The following GABPB1 variants were observed in gnomAD, a reference collection of about 807,000 sequenced individuals.
The protein encoded by GABPB1 is GA-binding protein subunit beta-1.
A neutral mutation model predicts 45.9 loss-of-function variants in GABPB1; 15 were observed. That is an observed-to-expected ratio of 0.33 (90% CI 0.22 to 0.50). The LOEUF (loss-of-function observed/expected upper bound fraction) is 0.50, where lower values mean the gene tolerates loss of function less well. GABPB1 is among the 20% of genes least tolerant of loss of function. GABPB1 has a pLI of 0.98. For synonymous variants in GABPB1, 143 were observed against 154.4 expected, an observed-to-expected ratio of 0.93 and a Z score of 0.55; for missense variants, 252 against 457.5, an observed-to-expected ratio of 0.55 and a Z score of 4.10.
At chr15:50,337,126 T>TCAGAGCCC (rs2048174988) in intron 1 of GABPB1, among the ~76,000 whole-genome samples, 1 of 7,842 alleles carries the variant, frequency 1.3e-4, no homozygotes, top group African/African-American at 1.3e-3. Flanking sequence ...TATATATATA[T>TCAGAGCCC]ATAATATGAA....
chr15:50,345,061 T>C (rs549702755), intron 1 of GABPB1, among the ~76,000 whole-genome samples: 9 of 152,176 alleles, frequency 5.9e-5, no homozygotes, highest in African/African-American at 2.2e-4. Flanking sequence ...GTCATCAGCA[T>C]ATAAAACATC....
chr15:50,338,521 T>G (rs2048226806), intron 1 of GABPB1, among the ~76,000 whole-genome samples: 1 of 152,190 alleles, frequency 6.6e-6, no homozygotes, highest in Non-Finnish European at 1.5e-5. Context: ...TCTCCCAGGC[T>G]GGAGTGTAGT....
chr15:50,322,644 TATAAC>T (rs1201970879), intron 1 of GABPB1, among the ~76,000 whole-genome samples: 2 of 152,174 alleles, frequency 1.3e-5, no homozygotes, highest in Admixed American at 6.5e-5. Context: ...GTGCTATAAA[TATAAC>T]ATACCAGATT....
intron 1 of GABPB1, among the ~76,000 whole-genome samples, chr15:50,344,655 A>G (rs1317730163): frequency 6.6e-6 from 1 of 152,166 alleles, no homozygotes; most frequent in Non-Finnish European, 1.5e-5. Context: ...CCTGACCAAC[A>G]TGGAGAAATC....
At chr15:50,286,539 A>C (rs2046162216) in intron 7 of GABPB1, among the ~76,000 whole-genome samples, 1 of 152,120 alleles carries the variant, frequency 6.6e-6, no homozygotes, top group Admixed American at 6.6e-5. Flanking sequence ...TATTATCCTT[A>C]TATTAATTTG....
At chr15:50,307,178 C>T (rs2046978909) in intron 2 of GABPB1, among the ~76,000 whole-genome samples, 1 of 152,158 alleles carries the variant, frequency 6.6e-6, no homozygotes, top group Non-Finnish European at 1.5e-5. Flanking sequence ...TCCATACTTC[C>T]ACCAAAAATA....
At chr15:50,327,496 G>T (rs906376506) in intron 1 of GABPB1, among the ~76,000 whole-genome samples, 5 of 152,132 alleles carry the variant, frequency 3.3e-5, no homozygotes, top group Non-Finnish European at 7.3e-5. Flanking sequence ...CATAGTACCT[G>T]CCCTTAAAGA....
At chr15:50,317,478 CCTTTTTTCTA>C (rs2047379790) in intron 1 of GABPB1, among the ~76,000 whole-genome samples, 2 of 150,830 alleles carry the variant, frequency 1.3e-5, no homozygotes, top group South Asian at 2.1e-4. Context: ...ATGAATTTTC[CCTTTTTTCTA>C]CTTTTTTCTA....
intron 1 of GABPB1, among the ~76,000 whole-genome samples, chr15:50,319,401 A>G (rs2047473753): frequency 6.6e-6 from 1 of 152,170 alleles, no homozygotes; most frequent in African/African-American, 2.4e-5. Context: ...CACTGTACCC[A>G]ACAGGGAATT....
chr15:50,299,492 C>T (rs1169791618), intron 6 of GABPB1, among the ~76,000 whole-genome samples: 2 of 152,174 alleles, frequency 1.3e-5, no homozygotes, highest in Non-Finnish European at 2.9e-5. Context: ...CTCCACCTCC[C>T]GGGTTCAAGC....
chr15:50,340,328 A>G (rs928074158), intron 1 of GABPB1, among the ~76,000 whole-genome samples: 2 of 152,162 alleles, frequency 1.3e-5, no homozygotes, highest in Admixed American at 6.5e-5. Context: ...ACAGTTGGTC[A>G]AGTTCTATGA....
intron 7 of GABPB1, among the ~76,000 whole-genome samples, chr15:50,287,683 T>C (rs771718301): frequency 1.3e-5 from 2 of 152,220 alleles, no homozygotes; most frequent in Non-Finnish European, 2.9e-5. Flanking sequence ...GTCTGTATAA[T>C]GATACGGGTT....
At chr15:50,328,176 A>G (rs2047834953) in intron 1 of GABPB1, among the ~76,000 whole-genome samples, 1 of 151,938 alleles carries the variant, frequency 6.6e-6, no homozygotes, top group Non-Finnish European at 1.5e-5. Flanking sequence ...ACACATACCT[A>G]TATACCCATC....
intron 8 of GABPB1, among the ~76,000 whole-genome samples, chr15:50,279,405 A>G (rs1361042062): frequency 6.6e-6 from 1 of 152,242 alleles, no homozygotes; most frequent in Admixed American, 6.5e-5. Context: ...TTTAAAATGA[A>G]GAGTGCTGAT....
At chr15:50,293,838 T>C (rs909830131) in intron 6 of GABPB1, among the ~76,000 whole-genome samples, 3 of 152,102 alleles carry the variant, frequency 2.0e-5, no homozygotes, top group South Asian at 2.1e-4. Flanking sequence ...TAAGAAAAAT[T>C]AAAAGGAAAC....
At chr15:50,283,993 A>G (rs2046078867) in intron 8 of GABPB1, among the ~76,000 whole-genome samples, 1 of 152,252 alleles carries the variant, frequency 6.6e-6, no homozygotes, top group African/African-American at 2.4e-5. Context: ...TGTCTTGTGC[A>G]TCGTAGGATG....
At chr15:50,336,275 AC>A (rs1351483521) in intron 1 of GABPB1, among the ~76,000 whole-genome samples, 2 of 148,010 alleles carry the variant, frequency 1.4e-5, no homozygotes, top group East Asian at 4.0e-4. Context: ...AACTGCTTGA[AC>A]CCAGGAGGCA....
intron 1 of GABPB1, among the ~76,000 whole-genome samples, chr15:50,317,067 G>T (rs1181270097): frequency 6.6e-6 from 1 of 151,812 alleles, no homozygotes; most frequent in Non-Finnish European, 1.5e-5. Context: ...TAAGAATCAG[G>T]ACTCTAAGTT....
In GABPB1 at chr15:50,354,600, C is replaced by G. The variant is rs561730769; in HGVS notation, c.-1+385G>C. ...CCCGCCCACTGCCAACCTCCAGTCGCCCGCAGAACCTCCGCTGCCTCGGCG... is the reference window on the plus strand; with the variant it reads ...CCCGCCCACTGCCAACCTCCAGTCGGCCGCAGAACCTCCGCTGCCTCGGCG... On this transcript the variant is annotated intron_variant, in intron 1 of 8. Coordinates refer to ENST00000380877, the MANE Select transcript of GABPB1 (RefSeq NM_016654.5). 547 of 446,180 alleles carry G rather than the reference C, an allele frequency of 1.2e-3. 7 individuals are homozygous for G. The highest frequency in any genetic ancestry group is 0.01 in the African/African-American group (498 of 47,664). 27.6% of individuals were successfully genotyped at this position (446,180 alleles called of 1,614,324 possible). A position where few individuals can be genotyped will look rare whatever the true frequency, so the allele number is the denominator to read the frequency against.
Sources: gnomAD v4.1 joint callset for allele counts (sites outside exome capture counted in the v4.1 genomes callset) on GRCh38, gnomAD v4.1.1 for gene constraint, MANE v1.5 for transcripts, NCBI Gene and HGNC (gene_info 2026-07-23, HGNC 2026-07-21) for gene names.